DIP2C: variants seen among roughly 807,000 people sequenced by gnomAD.
DIP2C encodes disco-interacting protein 2 homolog C.
DIP2C carries 33 observed loss-of-function variants against 192.4 expected under a neutral mutation model. The ratio of observed to expected loss-of-function variants is 0.17; its 90% CI spans 0.13 to 0.23. DIP2C has a LOEUF of 0.23. Among genes scored for constraint, DIP2C ranks in the 10% least tolerant of loss-of-function variants. The probability of loss-of-function intolerance (pLI) is 1.00; values close to 1 mark genes in which losing one functional copy is unlikely to be tolerated. For synonymous variants in DIP2C, 979 were observed against 864.1 expected, an observed-to-expected ratio of 1.13 and a Z score of -2.33; for missense variants, 1,537 against 2,110.1, an observed-to-expected ratio of 0.73 and a Z score of 5.32.
chr10:527,643 C>T lies in DIP2C; in HGVS notation c.86-41113G>A, dbSNP rs141454187. On this transcript the variant is annotated intron_variant, in intron 1 of 36. Coordinates refer to ENST00000280886, the MANE Select transcript of DIP2C (RefSeq NM_014974.3). The stretch of plus-strand genomic sequence containing the variant: ...ACACAGATATAAAATCCAGTGGTTA[C>T]ACCAGATTGAGAAATGCTTGCCAGT... Among the ~76,000 whole-genome samples, 45 of 152,292 alleles carry T rather than the reference C, an allele frequency of 3.0e-4. 1 individual carries two copies. In the East Asian group the frequency reaches 8.7e-3, roughly 29 times the overall value.
Position 651,451 on chromosome 10 carries a change from C to T in DIP2C, c.85+38043G>A. On this transcript the variant is annotated intron_variant, in intron 1 of 36. Coordinates refer to ENST00000280886, the MANE Select transcript of DIP2C (RefSeq NM_014974.3). This position sits in a 1 kb window ranked among gnomAD's most constrained non-coding sequence, Gnocchi z 4.1. The stretch of plus-strand genomic sequence containing the variant: ...ATGTTAAGTCGTTAAGTAAAAATAG[C>T]AGAAGACTTAGTAGAATGTATGAGT... 1.5e-6 allele frequency: 1 copy of T among 673,692 alleles called. No homozygotes were observed. The allele number at this position is 673,692 out of a possible 1,614,324, so 41.7% of individuals were successfully genotyped here.
At chr10:280,890 T>G (rs934959679) in intron 36 of DIP2C, among the ~76,000 whole-genome samples, 2 of 152,202 alleles carry the variant, frequency 1.3e-5, no homozygotes, top group Non-Finnish European at 2.9e-5. Context: ...GTGTGAGGTT[T>G]GTTTTCTTCC....
At chr10:614,399 T>C (rs972369206) in intron 1 of DIP2C, among the ~76,000 whole-genome samples, 1 of 152,158 alleles carries the variant, frequency 6.6e-6, no homozygotes, top group African/African-American at 2.4e-5. Context: ...AGTACCCAAG[T>C]CTAACAGTGC....
chr10:349,550 A>G (rs944548844), intron 24 of DIP2C, 96 bp from the exon 25 acceptor site: 13 of 1,486,738 alleles, frequency 8.7e-6, no homozygotes, highest in African/African-American at 1.4e-5. Context: ...GGCGCAAAGC[A>G]TACATCACTG....
chr10:602,141 G>C (rs964848728), intron 1 of DIP2C, among the ~76,000 whole-genome samples: 2 of 152,074 alleles, frequency 1.3e-5, no homozygotes, highest in Non-Finnish European at 2.9e-5. Flanking sequence ...CTCAGGCAAC[G>C]TTCAGTATTG....
chr10:323,834 A>C (rs572571467), intron 31 of DIP2C, among the ~76,000 whole-genome samples: 2 of 152,298 alleles, frequency 1.3e-5, no homozygotes, highest in Non-Finnish European at 2.9e-5. Context: ...TGTACCAGGC[A>C]TGTCCTGTGT....
At chr10:545,070 C>T (rs1296295177) in intron 1 of DIP2C, among the ~76,000 whole-genome samples, 1 of 151,734 alleles carries the variant, frequency 6.6e-6, no homozygotes, top group Non-Finnish European at 1.5e-5. Context: ...GCCACAACCC[C>T]TAGAAACTCA....
intron 1 of DIP2C, among the ~76,000 whole-genome samples, chr10:571,893 C>A (rs553213004): frequency 2.8e-4 from 43 of 152,232 alleles, no homozygotes; most frequent in Non-Finnish European, 6.0e-4. Flanking sequence ...ATAATGTAAG[C>A]AGTTCAGCTT....
intron 32 of DIP2C, among the ~76,000 whole-genome samples, chr10:295,283 C>G (rs897766187): frequency 6.6e-6 from 1 of 151,958 alleles, no homozygotes; most frequent in Non-Finnish European, 1.5e-5. Flanking sequence ...TATTATTGGC[C>G]GGGCGCGGTG....
At chr10:284,571 C>T (rs79351213) in intron 34 of DIP2C, among the ~76,000 whole-genome samples, 1,735 of 152,214 alleles carry the variant, frequency 0.011, 25 homozygotes, top group African/African-American at 0.039. Context: ...GGAGGGTAAA[C>T]GGTGGTTAGC....
chr10:454,050 C>A (rs185091232), intron 3 of DIP2C, among the ~76,000 whole-genome samples: 1 of 152,284 alleles, frequency 6.6e-6, no homozygotes, highest in East Asian at 1.9e-4. Context: ...CTGAAGAAGG[C>A]AATAAAGGGT....
chr10:641,154 C>G (rs950493447), intron 1 of DIP2C, among the ~76,000 whole-genome samples: 1 of 138,350 alleles, frequency 7.2e-6, no homozygotes, highest in African/African-American at 2.7e-5. Context: ...AAAAAAAAAT[C>G]CTACCCTCAC....
chr10:489,412 G>A (rs1844263298), intron 1 of DIP2C, among the ~76,000 whole-genome samples: 1 of 152,250 alleles, frequency 6.6e-6, no homozygotes, highest in Non-Finnish European at 1.5e-5. Flanking sequence ...AGAGATGATG[G>A]ACAGATGGCA....
intron 2 of DIP2C, chr10:484,691 T>C (rs1843867704): frequency 2.0e-6 from 3 of 1,485,306 alleles, no homozygotes; most frequent in Non-Finnish European, 1.8e-6. Flanking sequence ...GGCCACACCC[T>C]ACACGTCTGT....
intron 2 of DIP2C, among the ~76,000 whole-genome samples, chr10:477,643 A>G (rs1176829173): frequency 1.5e-5 from 2 of 135,484 alleles, no homozygotes; most frequent in African/African-American, 5.5e-5. Context: ...TGGGAGGAAG[A>G]GAAGAAAAAT....
At chr10:521,316 C>G (rs1027089689) in intron 1 of DIP2C, among the ~76,000 whole-genome samples, 1 of 152,190 alleles carries the variant, frequency 6.6e-6, no homozygotes, top group Non-Finnish European at 1.5e-5. Context: ...GTGAGGATTA[C>G]GAGCAGCCTG....
intron 1 of DIP2C, among the ~76,000 whole-genome samples, chr10:571,290 C>G (rs1849780502): frequency 6.6e-6 from 1 of 152,210 alleles, no homozygotes; most frequent in Non-Finnish European, 1.5e-5. Context: ...AGGTCAGCAA[C>G]AGCCCCACTG....
chr10:345,521 A>G (rs1958406185), intron 26 of DIP2C, among the ~76,000 whole-genome samples: 1 of 59,858 alleles, frequency 1.7e-5, no homozygotes, highest in Non-Finnish European at 3.5e-5. Context: ...ACAAACACCC[A>G]TCCCAGACAC....
intron 1 of DIP2C, among the ~76,000 whole-genome samples, chr10:581,048 T>C (rs1346615366): frequency 6.6e-6 from 1 of 152,196 alleles, no homozygotes; most frequent in Non-Finnish European, 1.5e-5. Context: ...GAGAGACCAA[T>C]GTCCCAGGGT....
Sources: gnomAD v4.1 joint callset for allele counts (sites outside exome capture counted in the v4.1 genomes callset) on GRCh38, gnomAD v4.1.1 for gene constraint, Gnocchi (gnomAD v3.1) non-coding constraint, MANE v1.5 for transcripts, NCBI Gene and HGNC (gene_info 2026-07-23, HGNC 2026-07-21) for gene names.